The following PKHD1 variants were observed in gnomAD, a reference collection of about 807,000 sequenced individuals.
PKHD1 encodes PKHD1 ciliary IPT domain containing fibrocystin/polyductin.
In PKHD1, 291 loss-of-function variants were observed where a neutral mutation model predicts 412.0. That is an observed-to-expected ratio of 0.71 (90% CI 0.64 to 0.78). The LOEUF (loss-of-function observed/expected upper bound fraction) is 0.78. Ranked by LOEUF, PKHD1 falls within the 30% of genes least tolerant of loss-of-function variation. The pLI is 0.00. For missense variants in PKHD1, 4,825 were observed against 4,950.7 expected (o/e 0.97, Z 0.76); for synonymous variants, 1,777 against 1,821.5 (o/e 0.98, Z 0.62).
chr6:51,633,149 T>C (rs1354957), intron 64 of PKHD1, among the ~76,000 whole-genome samples: 3,858 of 152,204 alleles, frequency 0.025, 179 homozygotes, highest in African/African-American at 0.088. Flanking sequence ...AACAGGGGCA[T>C]AGGGACTCCT....
chr6:51,885,776 G>T (rs992924473), intron 45 of PKHD1, 91 bp downstream of exon 45: 3 of 834,324 alleles, frequency 3.6e-6, no homozygotes, highest in Non-Finnish European at 6.1e-6. Context: ...TCCCATTTAA[G>T]TAGATATGCA....
intron 63 of PKHD1, among the ~76,000 whole-genome samples, chr6:51,640,109 C>T (rs973500156): frequency 6.6e-6 from 1 of 152,158 alleles, no homozygotes. Context: ...CTATATGCAT[C>T]AAAATTATGG....
chr6:51,914,071 G>A (rs1181967724), intron 37 of PKHD1, among the ~76,000 whole-genome samples: 2 of 152,044 alleles, frequency 1.3e-5, no homozygotes, highest in Non-Finnish European at 2.9e-5. Context: ...ACAGAAAAAT[G>A]TTTATCCAAG....
chr6:51,926,876 G>T (rs965634771), intron 37 of PKHD1, among the ~76,000 whole-genome samples: 1 of 152,034 alleles, frequency 6.6e-6, no homozygotes, highest in Non-Finnish European at 1.5e-5. Flanking sequence ...AGAGGACATA[G>T]AGCCAAGGGT....
At chr6:51,880,779 T>TAAAAAAAA (rs71544105) in intron 46 of PKHD1, among the ~76,000 whole-genome samples, 7 of 30,036 alleles carry the variant, frequency 2.3e-4, no homozygotes, top group African/African-American at 4.1e-4. Flanking sequence ...AAAAAAAAAT[T>TAAAAAAAA]AAAAAAAAAA....
intron 60 of PKHD1, among the ~76,000 whole-genome samples, chr6:51,744,148 T>G (rs1483033764): frequency 6.6e-6 from 1 of 152,226 alleles, no homozygotes; most frequent in Non-Finnish European, 1.5e-5. Context: ...ATTGAGAATC[T>G]GCACTTTTGA....
Position 51,985,196 on chromosome 6 carries a change from T to G in PKHD1, c.5751+25113A>C, listed in dbSNP as rs74984979. Among the ~76,000 whole-genome samples the G allele has an allele frequency of 7.4e-3, 1,132 of 152,360 alleles. 14 individuals carry two copies. Among genetic ancestry groups the G allele is most frequent in the African/African-American group, 0.026 (1,064 of 41,576 alleles). Reference sequence around the variant, plus strand: ...AATTGAAGGCTATCTCTGAGTTTCATATACTTTCTCAAAATATGTGGAAAG... The same window carrying G: ...AATTGAAGGCTATCTCTGAGTTTCAGATACTTTCTCAAAATATGTGGAAAG... On this transcript the variant is annotated intron_variant, in intron 35 of 66. Transcript: ENST00000371117.
chr6:51,901,503 C>T (rs1486122695), intron 43 of PKHD1, among the ~76,000 whole-genome samples: 5 of 151,678 alleles, frequency 3.3e-5, no homozygotes, highest in Non-Finnish European at 5.9e-5. Flanking sequence ...GGGAACATCA[C>T]ACTCTGGGGA....
At chr6:51,900,434 T>C (rs900681948) in intron 43 of PKHD1, among the ~76,000 whole-genome samples, 1 of 152,214 alleles carries the variant, frequency 6.6e-6, no homozygotes, top group Non-Finnish European at 1.5e-5. Flanking sequence ...GATTCCCTAT[T>C]TAATAAATGG....
chr6:51,857,439 G>A (rs1583061508), intron 48 of PKHD1, among the ~76,000 whole-genome samples: 1 of 152,216 alleles, frequency 6.6e-6, no homozygotes, highest in Non-Finnish European at 1.5e-5. Flanking sequence ...TTTTTTAAGT[G>A]TTGCACACTT....
At chr6:51,625,150 G>C (rs9296658) in intron 66 of PKHD1, among the ~76,000 whole-genome samples, 44,815 of 152,048 alleles carry the variant, frequency 0.29, 6,643 homozygotes, top group African/African-American at 0.3. Context: ...TCTGAATCTA[G>C]TAGTCATGCT....
intron 46 of PKHD1, among the ~76,000 whole-genome samples, chr6:51,871,172 T>G (rs547577809): frequency 1.3e-5 from 2 of 152,200 alleles, no homozygotes; most frequent in Admixed American, 1.3e-4. Context: ...ATTCAACTCC[T>G]AGGTATTTAC....
chr6:52,003,707 C>T (rs1423575127), intron 35 of PKHD1, among the ~76,000 whole-genome samples: 3 of 152,160 alleles, frequency 2.0e-5, no homozygotes, highest in Non-Finnish European at 2.9e-5. Flanking sequence ...TCAGGAGAAC[C>T]TTTCTTTCAT....
intron 48 of PKHD1, among the ~76,000 whole-genome samples, chr6:51,862,179 C>T (rs9382039): frequency 0.4 from 61,215 of 152,026 alleles, 13,529 homozygotes; most frequent in East Asian, 0.85. Context: ...ATGTTCAGTG[C>T]TTTTAGGTTG....
In PKHD1 at chr6:52,035,476, CATA is replaced by C; in HGVS notation, c.3228+112_3228+114del. 6 of 1,051,628 alleles carry C rather than the reference CATA, an allele frequency of 5.7e-6. No individual in the cohort carries two copies. The South Asian group carries it at 7.6e-5, about 13-fold the overall frequency. The allele number at this position is 1,051,628 out of a possible 1,614,324, so 65.1% of individuals were successfully genotyped here. A position where few individuals can be genotyped will look rare whatever the true frequency, so the allele number is the denominator to read the frequency against. On this transcript the variant is annotated intron_variant, in intron 28 of 66. Coordinates refer to ENST00000371117, the MANE Select transcript of PKHD1 (RefSeq NM_138694.4). ...AATATAACTACTACAAGCATACTAT[CATA>C]ATGAGAAGTTTACATCAGTTCATTT...
chr6:51,684,189 T>C (rs887768796), intron 60 of PKHD1, among the ~76,000 whole-genome samples: 2 of 152,094 alleles, frequency 1.3e-5, no homozygotes, highest in Admixed American at 6.6e-5. Flanking sequence ...AACTTGTAGC[T>C]GTACTTGAAG....
intron 31 of PKHD1, 52 bp from the exon 32 acceptor site, chr6:52,026,233 G>C: frequency 6.5e-7 from 1 of 1,534,550 alleles, no homozygotes; most frequent in Non-Finnish European, 9.0e-7. Context: ...TCTGAACTAA[G>C]AATTCATAGC....
At chr6:52,085,252 A>AATG (rs1812599568) in intron 1 of PKHD1, among the ~76,000 whole-genome samples, 1 of 151,676 alleles carries the variant, frequency 6.6e-6, no homozygotes, top group Admixed American at 6.6e-5. Context: ...GATAAATAAT[A>AATG]ACCTCTTTCA....
chr6:51,715,123 T>C (rs1464594189), intron 60 of PKHD1, among the ~76,000 whole-genome samples: 1 of 152,160 alleles, frequency 6.6e-6, no homozygotes, highest in African/African-American at 2.4e-5. Flanking sequence ...CTACCAAAGC[T>C]AGTCTCCTTT....
Sources: gnomAD v4.1 joint callset for allele counts (sites outside exome capture counted in the v4.1 genomes callset) on GRCh38, gnomAD v4.1.1 for gene constraint, MANE v1.5 for transcripts, NCBI Gene and HGNC (gene_info 2026-07-23, HGNC 2026-07-21) for gene names.